Variants in GPR78 observed in about 807,000 individuals in gnomAD.
GPR78 encodes the protein G protein-coupled receptor 78.
In GPR78, 29 loss-of-function variants were observed where a neutral mutation model predicts 17.9. The observed-to-expected ratio is 1.62, with a 90% CI of 1.20 to 2.21. The LOEUF is 2.21. Among genes scored for constraint, GPR78 ranks in the 30% most tolerant of loss-of-function variants. GPR78 has a pLI of 0.00. For synonymous variants in GPR78, 349 were observed against 256.9 expected (o/e 1.36, Z -3.43); for missense variants, 649 against 530.5 (o/e 1.22, Z -2.19).
Position 8,589,088 on chromosome 4 carries a change from C to A in GPR78, c.*1725C>A, listed in dbSNP as rs1404192978. ...GTCTCACTTTGTTGCCCAGGCTGGT[C>A]TTGAATTCCTGAGCTTAAGTGATCC... On this transcript the variant is annotated 3_prime_UTR_variant, in exon 3 of 3. Coordinates refer to ENST00000382487, the MANE Select transcript of GPR78 (RefSeq NM_080819.5). Among the ~76,000 whole-genome samples, 3 of 151,764 alleles carry A rather than the reference C, an allele frequency of 2.0e-5. No individual in the cohort carries two copies. Among genetic ancestry groups the A allele is most frequent in the Non-Finnish European group, 2.9e-5 (2 of 67,964 alleles).
At chr4:8,581,829 C>A (rs1349106710) in intron 1 of GPR78, among the ~76,000 whole-genome samples, 179 bp downstream of exon 1, 1 of 150,800 alleles carries the variant, frequency 6.6e-6, no homozygotes, top group African/African-American at 2.4e-5. Context: ...GCAGACACTG[C>A]GGGGGCCTCT....
intron 1 of GPR78, 94 bp downstream of exon 1, chr4:8,581,744 A>C: frequency 1.1e-6 from 1 of 939,786 alleles, no homozygotes; most frequent in Admixed American, 3.4e-5. Context: ...CACCACCGTT[A>C]CTCCGCCCAG....
In GPR78 at chr4:8,584,721, C is replaced by T. The variant is rs62288563; in HGVS notation, c.782+2077C>T. Among the ~76,000 whole-genome samples, 803 of 152,308 alleles carry T rather than the reference C, an allele frequency of 5.3e-3. 3 individuals carry two copies. Among genetic ancestry groups the T allele is most frequent in the East Asian group, 0.023 (119 of 5,174 alleles). On this transcript the variant is annotated intron_variant, in intron 2 of 2. Coordinates refer to ENST00000382487, the MANE Select transcript of GPR78 (RefSeq NM_080819.5). ...CGCCTCTCACATCATAGGAGTGAAC[C>T]GAATCAGAACCTCACTCCTGAGTGT...
rs760384832 is a variant in GPR78 at position 8,581,038 on chromosome 4, CGCT to C, written c.60_62del (p.Leu21del). 2 of 1,602,836 alleles carry C rather than the reference CGCT, an allele frequency of 1.2e-6. No homozygotes were observed. Among genetic ancestry groups the C allele is most frequent in the South Asian group, 2.2e-5 (2 of 89,896 alleles). On this transcript the variant is annotated inframe_deletion, in exon 1 of 3. Transcript: ENST00000382487. ...CTCCTGGTGATGGTACTGGCCGTGG[CGCT>C]GCTATCCAACGCACTGGTGCTGCTT...
At chr4:8,586,659 T>C (rs1037181376) in intron 2 of GPR78, among the ~76,000 whole-genome samples, 11 of 152,316 alleles carry the variant, frequency 7.2e-5, no homozygotes, top group African/African-American at 2.6e-4. Context: ...TGGGGTGTGT[T>C]GGTCTGCAGC....
rs1276423558 is a variant in GPR78, at chr4:8,587,866, C to A, written c.*503C>A. The stretch of plus-strand genomic sequence containing the variant: ...TGGGAGATAAATGCCGGGGCGGAGT[C>A]TGGTTGGGGGCTCCCAGAGTTCACA... On this transcript the variant is annotated 3_prime_UTR_variant, in exon 3 of 3. Coordinates refer to ENST00000382487, the MANE Select transcript of GPR78 (RefSeq NM_080819.5). 6.0e-6 allele frequency: 1 copy of A among 167,986 alleles called. No individual in the cohort carries two copies. The highest frequency in any genetic ancestry group is 1.3e-5 in the Non-Finnish European group (1 of 77,458). 10.4% of individuals were successfully genotyped at this position (167,986 alleles called of 1,614,324 possible). A position where few individuals can be genotyped will look rare whatever the true frequency, so the allele number is the denominator to read the frequency against.
intron 1 of GPR78, 107 bp from the exon 2 acceptor site, chr4:8,582,424 A>G (rs552655053): frequency 2.8e-6 from 2 of 706,362 alleles, no homozygotes; most frequent in African/African-American, 1.7e-5. Context: ...CAGGCTAAAC[A>G]TCCTCCTGAA....
chr4:8,581,483 G>A lies in GPR78; in HGVS notation c.501G>A (p.Pro167=), dbSNP rs138915515. 2 of 1,591,996 alleles carry A rather than the reference G, an allele frequency of 1.3e-6. No individual in the cohort carries two copies. Among genetic ancestry groups the A allele is most frequent in the South Asian group, 1.1e-5 (1 of 89,722 alleles). The change falls in exon 1 of 3, where the codon CCG becomes CCA. Residue 167 remains proline, a synonymous_variant. Coordinates refer to ENST00000382487, the MANE Select transcript of GPR78 (RefSeq NM_080819.5). The part of the protein sequence containing the change: ...SLRLPPEPER[P]RFAAFTATLH... ...GCCTGCCGCCCGAGCCTGAGCGTCC[G>A]CGCTTCGCAGCCTTCACCGCCACGC...
intron 2 of GPR78, among the ~76,000 whole-genome samples, chr4:8,586,029 G>A (rs920665657): frequency 2.0e-5 from 3 of 152,196 alleles, no homozygotes; most frequent in Admixed American, 2.0e-4. Context: ...GGCCTTTGGG[G>A]GCCCTGGTTC....
chr4:8,588,752 G>A lies in GPR78; in HGVS notation c.*1389G>A, dbSNP rs755258193. Among the ~76,000 whole-genome samples the A allele has an allele frequency of 7.9e-5, 12 of 152,238 alleles. No individual in the cohort carries two copies. Among genetic ancestry groups the A allele is most frequent in the South Asian group, 2.1e-4 (1 of 4,834 alleles). ...GGACATCAAATTCTTTCCTTCCAGA[G>A]GCTGAATTCTTCAAAGACACACGCG... On this transcript the variant is annotated 3_prime_UTR_variant, in exon 3 of 3. Coordinates refer to ENST00000382487, the MANE Select transcript of GPR78 (RefSeq NM_080819.5).
rs138084089 is a variant in GPR78 at position 8,581,072 on chromosome 4, C to T, written c.90C>T (p.Cys30=). 3.7e-5 allele frequency: 59 copies of T among 1,605,688 alleles called. No homozygotes were observed. In the African/African-American group the frequency reaches 5.1e-4, roughly 14 times the overall value. The change falls in exon 1 of 3, where the codon TGC becomes TGT. Residue 30 remains cysteine, a synonymous_variant. Coordinates refer to ENST00000382487, the MANE Select transcript of GPR78 (RefSeq NM_080819.5). ...CCAACGCACTGGTGCTGCTTTGTTG[C>T]GCCTACAGCGCTGAGCTCCGCACTC... is the stretch of plus-strand genomic sequence containing the variant. ...LLSNALVLLC[C]AYSAELRTRA... is the part of the protein sequence containing the mutation.
chr4:8,582,574 C>T lies in GPR78; in HGVS notation c.712C>T (p.Arg238Cys), dbSNP rs749861236. The change falls in exon 2 of 3, where the codon CGC (arginine) becomes TGC (cysteine). Residue 238 changes from arginine to cysteine, a missense_variant. Arg to Cys is a radical substitution (Grantham distance 180, BLOSUM62 -3). Coordinates refer to ENST00000382487, the MANE Select transcript of GPR78 (RefSeq NM_080819.5). Reference sequence around the variant, plus strand: ...CATCCAGCAGAAGCGGCGCCGCCACCGCGCCACCAGGAAGATTGGCATTGC... The same window carrying T: ...CATCCAGCAGAAGCGGCGCCGCCACTGCGCCACCAGGAAGATTGGCATTGC... ...CLIQQKRRRH[R>C]ATRKIGIAIA... 1.7e-5 allele frequency: 28 copies of T among 1,612,290 alleles called. No individual in the cohort carries two copies. Among genetic ancestry groups the T allele is most frequent in the African/African-American group, 6.7e-5 (5 of 74,914 alleles).
In GPR78 at chr4:8,581,427, T is replaced by C. The variant is rs1360001100; in HGVS notation, c.445T>C (p.Tyr149His). ...GAALGCSWLGYSSAFASCSLR... is the reference protein window; with the variant it reads ...GAALGCSWLGHSSAFASCSLR... ...TGCACTTGGCTGCTCGTGGCTTGGC[T>C]ACAGCAGCGCCTTCGCGTCCTGTTC... The change falls in exon 1 of 3, where the codon TAC becomes CAC. Residue 149 changes from tyrosine to histidine, a missense_variant. Physicochemically the swap from Tyr to His is moderately conservative, Grantham distance 83. Transcript: ENST00000382487. The C allele has an allele frequency of 1.3e-6, 2 of 1,588,738 alleles. No homozygotes were observed. Among genetic ancestry groups the C allele is most frequent in the Non-Finnish European group, 1.7e-6 (2 of 1,175,018 alleles).
rs1713249246 is a variant in GPR78 at position 8,580,954 on chromosome 4, C to T, written c.-29C>T. 1.3e-6 allele frequency: 2 copies of T among 1,516,356 alleles called. No homozygotes were observed. Among genetic ancestry groups the T allele is most frequent in the African/African-American group, 1.4e-5 (1 of 72,602 alleles). The allele number at this position is 1,516,356 out of a possible 1,614,324, so 93.9% of individuals were successfully genotyped here. A position where few individuals can be genotyped will look rare whatever the true frequency, so the allele number is the denominator to read the frequency against. ...GCGCCCGAAGCAGAGCCATGAGAAC[C>T]CCAGGGTGCCTGGCGAGCCGCTAGC... On this transcript the variant is annotated 5_prime_UTR_variant, in exon 1 of 3. Transcript: ENST00000382487.
chr4:8,587,227 C>T lies in GPR78; in HGVS notation c.956C>T (p.Pro319Leu), dbSNP rs1436414096. 6.2e-7 allele frequency: 1 copy of T among 1,606,822 alleles called. No homozygotes were observed. Among genetic ancestry groups the T allele is most frequent in the Non-Finnish European group, 8.5e-7 (1 of 1,174,904 alleles). ...VHRLLKRTPR[P>L]ASTHDSSLDV... ...CGGCTGCTGAAGAGAACCCCGCGCC[C>T]AGCATCCACCCATGACAGCTCTCTG... The change falls in exon 3 of 3, where the codon CCA becomes CTA. Residue 319 changes from proline to leucine, a missense_variant. Pro to Leu is a moderately conservative substitution (Grantham distance 98, BLOSUM62 -3). Coordinates refer to ENST00000382487, the MANE Select transcript of GPR78 (RefSeq NM_080819.5).
Position 8,582,635 on chromosome 4 carries a change from T to C in GPR78, c.773T>C (p.Val258Ala). 1 of 1,608,590 alleles carries C rather than the reference T, an allele frequency of 6.2e-7. No individual in the cohort carries two copies. Among genetic ancestry groups the C allele is most frequent in the Non-Finnish European group, 8.5e-7 (1 of 1,175,066 alleles). The change falls in exon 2 of 3, where the codon GTC becomes GCC. Residue 258 changes from valine to alanine, a missense_variant. Physicochemically the swap from Val to Ala is moderately conservative, Grantham distance 64 (BLOSUM62 0). Transcript: ENST00000382487. ...ATFLICFAPY[V>A]MTRLAELVPF... ...TTCCTCATCTGCTTTGCCCCGTATG[T>C]CATGACCAGGTGGGTCCTGGCAGTC...
At position 8,580,884 on chromosome 4, in the gene GPR78, TG is replaced by T; in HGVS notation, c.-96del. The T allele has an allele frequency of 1.7e-6, 2 of 1,179,388 alleles. No homozygotes were observed. The highest frequency in any genetic ancestry group is 2.3e-6 in the Non-Finnish European group (2 of 865,076). 73.1% of individuals were successfully genotyped at this position (1,179,388 alleles called of 1,614,324 possible). A position where few individuals can be genotyped will look rare whatever the true frequency, so the allele number is the denominator to read the frequency against. On this transcript the variant is annotated 5_prime_UTR_variant, in exon 1 of 3. Coordinates refer to ENST00000382487, the MANE Select transcript of GPR78 (RefSeq NM_080819.5). ...CCGGCTCTGCACCTCCCAGAAGCCG[TG>T]GGCGCGCCGCTCAGCTGCTCCATCG... is the stretch of plus-strand genomic sequence containing the variant.
At chr4:8,582,414 C>G (rs1041087028) in intron 1 of GPR78, 117 bp from the exon 2 acceptor site, 3 of 671,976 alleles carry the variant, frequency 4.5e-6, no homozygotes, top group Non-Finnish European at 8.0e-6. Flanking sequence ...CCTCAGGTTC[C>G]AGGCTAAACA....
chr4:8,584,694 G>A (rs1713427687), intron 2 of GPR78, among the ~76,000 whole-genome samples: 1 of 152,222 alleles, frequency 6.6e-6, no homozygotes, highest in African/African-American at 2.4e-5. Flanking sequence ...CTGCCTCACA[G>A]GCGCCTCTCA....
Sources: allele counts gnomAD v4.1 joint callset (sites outside exome capture counted in the v4.1 genomes callset), GRCh38; gene constraint gnomAD v4.1.1; transcripts MANE v1.5; gene names NCBI Gene and HGNC (gene_info 2026-07-23, HGNC 2026-07-21).